Variants in BPIFB1 observed in about 807,000 individuals in gnomAD.
BPIFB1 encodes BPI fold containing family B member 1.
Under a neutral mutation model 55.1 loss-of-function variants are expected in BPIFB1, and 34 were observed. That is an observed-to-expected ratio of 0.62 (90% CI 0.47 to 0.82). BPIFB1 has a LOEUF of 0.82. Ranked by LOEUF, BPIFB1 falls within the 40% of genes least tolerant of loss-of-function variation. BPIFB1 has a pLI of 0.00. For missense variants in BPIFB1, 532 were observed against 593.1 expected (o/e 0.90, Z 1.07); for synonymous variants, 236 against 245.3 (o/e 0.96, Z 0.35).
At chr20:33,301,627 T>C (rs1375631373) in intron 9 of BPIFB1, among the ~76,000 whole-genome samples, 1 of 152,248 alleles carries the variant, frequency 6.6e-6, no homozygotes, top group Non-Finnish European at 1.5e-5. Flanking sequence ...CTCTGGAATC[T>C]GATGCAAATG....
Position 33,288,654 on chromosome 20 carries a change from G to A in BPIFB1, c.116-87G>A. 2.6e-6 allele frequency: 4 copies of A among 1,519,474 alleles called. No individual in the cohort carries two copies. In the South Asian group the frequency reaches 4.9e-5, roughly 19 times the overall value. 94.1% of individuals were successfully genotyped at this position (1,519,474 alleles called of 1,614,324 possible). A position where few individuals can be genotyped will look rare whatever the true frequency, so the allele number is the denominator to read the frequency against. On this transcript the variant is annotated intron_variant, in intron 2 of 15. Transcript: ENST00000253354. ...CTCGCCTTACCTCAGGGAGCCTCGA[G>A]TGATACCCCTCCCCAGCCTGGAGCT... is the stretch of plus-strand genomic sequence containing the variant.
At chr20:33,288,979 C>T in intron 3 of BPIFB1, 97 bp downstream of exon 3, 2 of 1,374,616 alleles carry the variant, frequency 1.5e-6, no homozygotes, top group Non-Finnish European at 1.9e-6. Context: ...CAAGCATCGA[C>T]TTGTGTCAGA....
At chr20:33,296,138 G>A (rs866690002) in intron 6 of BPIFB1, among the ~76,000 whole-genome samples, 77 of 152,300 alleles carry the variant, frequency 5.1e-4, no homozygotes, top group African/African-American at 1.7e-3. Flanking sequence ...ACTGGTCTGG[G>A]TGGGTCCTAG....
At position 33,302,390 on chromosome 20, in the gene BPIFB1, G is replaced by C. The variant is rs1431147936; in HGVS notation, c.959G>C (p.Ser320Thr). 9.9e-6 allele frequency: 16 copies of C among 1,613,968 alleles called. No individual in the cohort carries two copies. Among genetic ancestry groups the C allele is most frequent in the Non-Finnish European group, 1.4e-5 (16 of 1,179,988 alleles). Reference sequence around the variant, plus strand: ...GAGAGTGCCCATCGGCTGAAGTCAAGCATCGGGCTGATCAATGAAAAGGTT... The same window carrying C: ...GAGAGTGCCCATCGGCTGAAGTCAACCATCGGGCTGATCAATGAAAAGGTT... ...LPESAHRLKS[S>T]IGLINEKAAD... The change falls in exon 10 of 16, where the codon AGC (serine) becomes ACC (threonine). Residue 320 changes from serine (S) to threonine (T), a missense_variant. By Grantham distance (58) the Ser-to-Thr change is moderately conservative (BLOSUM62 1). Transcript: ENST00000253354.
At position 33,303,986 on chromosome 20, in the gene BPIFB1, C is replaced by T. The variant is rs147241121; in HGVS notation, c.1169C>T (p.Thr390Ile). ...IEASSEAQFY[T>I]KGDQLILNLN... ...GCCAGCTCGGAAGCTCAGTTTTACA[C>T]CAAAGGTGACCAACTTATACTCAAC... The change falls in exon 12 of 16, where the codon ACC (threonine) becomes ATC (isoleucine). Residue 390 changes from threonine to isoleucine, a missense_variant. By Grantham distance (89) the Thr-to-Ile change is moderately conservative. Coordinates refer to ENST00000253354, the MANE Select transcript of BPIFB1 (RefSeq NM_033197.3). 2 of 1,613,768 alleles carry T rather than the reference C, an allele frequency of 1.2e-6. No individual in the cohort carries two copies. Among genetic ancestry groups the T allele is most frequent in the Non-Finnish European group, 1.7e-6 (2 of 1,179,982 alleles).
In BPIFB1 at chr20:33,301,445, G is replaced by A. The variant is rs180911273; in HGVS notation, c.927+33G>A. On this transcript the variant is annotated intron_variant, in intron 9 of 15. Transcript: ENST00000253354. ...TCAGCACAAGGCAGAGAATAGGGCC[G>A]CCCAGGCCACATCATAGGAATTTCC... 9.1e-5 allele frequency: 145 copies of A among 1,586,868 alleles called. 1 individual carries two copies. The highest frequency in any genetic ancestry group is 3.2e-4 in the South Asian group (29 of 89,586).
chr20:33,304,780 T>TTGAATGAGTGGATGG (rs1980967895), intron 12 of BPIFB1, 66 bp from the exon 13 acceptor site: 3 of 1,592,852 alleles, frequency 1.9e-6, no homozygotes, highest in Non-Finnish European at 2.6e-6. Context: ...TAAATCGCTG[T>TTGAATGAGTGGATGG]TGAATGAGTG....
In BPIFB1 at chr20:33,306,908, CA is replaced by C. The variant is rs1478885618; in HGVS notation, c.1319-2del. The C allele has an allele frequency of 6.2e-7, 1 of 1,613,332 alleles. No individual in the cohort carries two copies. The highest frequency in any genetic ancestry group is 8.5e-7 in the Non-Finnish European group (1 of 1,179,334). ...CAGTTTCTGACCACATTTGTTATTT[CA>C]GGCAAATTAAGATCTGGGGTCCCAG... is the stretch of plus-strand genomic sequence containing the variant. On this transcript the variant is annotated splice_acceptor_variant, in intron 14 of 15. Coordinates refer to ENST00000253354, the MANE Select transcript of BPIFB1 (RefSeq NM_033197.3). LOFTEE classifies it high-confidence loss of function.
Position 33,309,671 on chromosome 20 carries a change from A to T in BPIFB1, c.1396-37A>T. 1 of 1,607,210 alleles carries T rather than the reference A, an allele frequency of 6.2e-7. No homozygotes were observed. The highest frequency in any genetic ancestry group is 1.1e-5 in the South Asian group (1 of 90,918). ...CATAAACCACAAGGCAAAAGGTTAA[A>T]GAAACCTGTTTTCTGACTTTTCCCC... On this transcript the variant is annotated intron_variant, in intron 15 of 15. Coordinates refer to ENST00000253354, the MANE Select transcript of BPIFB1 (RefSeq NM_033197.3). The surrounding 1 kb of genome is among the most constrained non-coding windows in gnomAD (Gnocchi z 4.4).
Position 33,297,591 on chromosome 20 carries a change from A to G in BPIFB1, c.661+3A>G. On this transcript the variant is annotated splice_donor_region_variant and intron_variant, in intron 7 of 15. Coordinates refer to ENST00000253354, the MANE Select transcript of BPIFB1 (RefSeq NM_033197.3). ...AGACCTCCTGCAGCTGGTGAAGGGT[A>G]GGTGCTCTGCTCTCTCTCCCACTTT... 1 of 1,614,140 alleles carries G rather than the reference A, an allele frequency of 6.2e-7. No individual in the cohort carries two copies.
chr20:33,304,125 A>G, intron 12 of BPIFB1, 100 bp downstream of exon 12: 1 of 1,048,572 alleles, frequency 9.5e-7, no homozygotes, highest in South Asian at 1.4e-5. Flanking sequence ...TGTCAGGTGA[A>G]GGCGGCTCCA....
chr20:33,284,157 G>A (rs1374671032), intron 1 of BPIFB1, among the ~76,000 whole-genome samples: 1 of 152,154 alleles, frequency 6.6e-6, no homozygotes, highest in Non-Finnish European at 1.5e-5. Flanking sequence ...TTCCCAAAAA[G>A]CCTATGACAT....
chr20:33,305,238 G>C (rs1029438219), intron 13 of BPIFB1, among the ~76,000 whole-genome samples: 1 of 152,002 alleles, frequency 6.6e-6, no homozygotes, highest in African/African-American at 2.4e-5. Flanking sequence ...CTTTCCTGCT[G>C]GGATTCAGAC....
intron 1 of BPIFB1, among the ~76,000 whole-genome samples, chr20:33,285,565 A>G (rs2146524657): frequency 6.6e-6 from 1 of 151,708 alleles, no homozygotes; most frequent in Non-Finnish European, 1.5e-5. Context: ...TACAAAAAAA[A>G]AAATTAGCCT....
intron 15 of BPIFB1, among the ~76,000 whole-genome samples, chr20:33,308,394 C>T (rs962168764): frequency 4.6e-5 from 7 of 152,068 alleles, no homozygotes; most frequent in Non-Finnish European, 7.4e-5. Context: ...GGATCTGAGG[C>T]AACATCCAAG....
At chr20:33,288,915 C>T in intron 3 of BPIFB1, 33 bp downstream of exon 3, 1 of 1,596,078 alleles carries the variant, frequency 6.3e-7, no homozygotes, top group South Asian at 1.1e-5. Context: ...AGGAGCTAGC[C>T]CCTTCCCACA....
rs1184778369 is a variant in BPIFB1, at chr20:33,309,598, G to T, written c.1396-110G>T. The T allele has an allele frequency of 4.9e-6, 5 of 1,027,068 alleles. No homozygotes were observed. The highest frequency in any genetic ancestry group is 7.6e-6 in the Non-Finnish European group (5 of 660,680). 63.6% of individuals were successfully genotyped at this position (1,027,068 alleles called of 1,614,324 possible). A position where few individuals can be genotyped will look rare whatever the true frequency, so the allele number is the denominator to read the frequency against. ...AGAATTCTGTATTTGTGGGTTCAGG[G>T]TCATGGTCCCCCGGTGCCAGCAGTC... On this transcript the variant is annotated intron_variant, in intron 15 of 15. Transcript: ENST00000253354. This position sits in a 1 kb window ranked among gnomAD's most constrained non-coding sequence, Gnocchi z 4.4.
At position 33,303,050 on chromosome 20, in the gene BPIFB1, C is replaced by T. The variant is rs755561390; in HGVS notation, c.1116C>T (p.Leu372=). ...VLEVFPSSEA[L]RPLFTLGIEA... The stretch of plus-strand genomic sequence containing the variant: ...AAGTGTTTCCCTCCAGTGAAGCCCT[C>T]CGCCCTTTGTTCACCCTGGGCATCG... The change falls in exon 11 of 16, where the codon CTC becomes CTT. Residue 372 remains leucine, a synonymous_variant. Coordinates refer to ENST00000253354, the MANE Select transcript of BPIFB1 (RefSeq NM_033197.3). The T allele has an allele frequency of 2.2e-5, 36 of 1,613,966 alleles. No homozygotes were observed. The East Asian group carries it at 8.0e-4, about 36-fold the overall frequency.
chr20:33,302,015 C>A (rs1416179783), intron 9 of BPIFB1, among the ~76,000 whole-genome samples: 1 of 152,130 alleles, frequency 6.6e-6, no homozygotes, highest in African/African-American at 2.4e-5. Context: ...ACCAAGCTCT[C>A]AGGGGACTGG....
Sources: gnomAD v4.1 joint callset for allele counts (sites outside exome capture counted in the v4.1 genomes callset) on GRCh38, gnomAD v4.1.1 for gene constraint, Gnocchi (gnomAD v3.1) non-coding constraint, MANE v1.5 for transcripts, NCBI Gene and HGNC (gene_info 2026-07-23, HGNC 2026-07-21) for gene names.